Variants in ELAPOR2 observed in about 807,000 individuals in gnomAD.
ELAPOR2 encodes endosome-lysosome associated apoptosis and autophagy regulator family member 2.
In ELAPOR2, 89 loss-of-function variants were observed where a neutral mutation model predicts 120.7. The ratio of observed to expected loss-of-function variants is 0.74; its 90% CI spans 0.62 to 0.88. The LOEUF (loss-of-function observed/expected upper bound fraction) is 0.88. Among genes scored for constraint, ELAPOR2 ranks in the 40% least tolerant of loss-of-function variants. ELAPOR2 has a pLI of 0.00. For synonymous variants in ELAPOR2, 444 were observed against 444.9 expected (o/e 1.00, Z 0.03); for missense variants, 1,134 against 1,251.6 (o/e 0.91, Z 1.42).
chr7:86,964,698 T>C (rs1181952669), intron 2 of ELAPOR2, among the ~76,000 whole-genome samples: 3 of 152,184 alleles, frequency 2.0e-5, no homozygotes, highest in African/African-American at 7.2e-5. Context: ...AATAATAACA[T>C]TCTTTAATAT....
chr7:86,905,070 A>AGAAGGAAGGAAG (rs201126011), intron 18 of ELAPOR2, among the ~76,000 whole-genome samples: 5,990 of 98,040 alleles, frequency 0.061, 333 homozygotes, highest in East Asian at 0.23. Flanking sequence ...ACAGAGAGAG[A>AGAAGGAAGGAAG]GAAGGAAGGA....
chr7:87,046,130 C>A (rs1424486849), intron 1 of ELAPOR2, among the ~76,000 whole-genome samples: 1 of 152,032 alleles, frequency 6.6e-6, no homozygotes, highest in South Asian at 2.1e-4. Flanking sequence ...AATCAACATA[C>A]AAAAATCAGT....
intron 2 of ELAPOR2, among the ~76,000 whole-genome samples, chr7:86,959,789 T>C (rs966178498): frequency 1.3e-5 from 2 of 152,214 alleles, no homozygotes; most frequent in African/African-American, 4.8e-5. Flanking sequence ...AGTTTATTAT[T>C]TTGCTAGTTC....
At chr7:87,025,246 A>ATATTT (rs1463659270) in intron 1 of ELAPOR2, among the ~76,000 whole-genome samples, 9 of 152,108 alleles carry the variant, frequency 5.9e-5, no homozygotes, top group Non-Finnish European at 1.2e-4. Flanking sequence ...TTTTCAGACA[A>ATATTT]TGCTTATTTT....
At chr7:87,020,252 G>T (rs905889473) in intron 1 of ELAPOR2, among the ~76,000 whole-genome samples, 1 of 151,970 alleles carries the variant, frequency 6.6e-6, no homozygotes, top group Non-Finnish European at 1.5e-5. Context: ...TTGTAATTCT[G>T]TATTTTCTAA....
intron 1 of ELAPOR2, among the ~76,000 whole-genome samples, chr7:87,034,962 A>C (rs1794537780): frequency 6.6e-6 from 1 of 151,966 alleles, no homozygotes; most frequent in African/African-American, 2.4e-5. Flanking sequence ...TGTGCCTGTA[A>C]TCCCAGCTAC....
intron 8 of ELAPOR2, 100 bp downstream of exon 8, chr7:86,938,026 C>T (rs559067052): frequency 1.8e-5 from 15 of 854,740 alleles, no homozygotes; most frequent in South Asian, 4.7e-5. Flanking sequence ...CACTTACATA[C>T]GTGTGTCATA....
At position 86,957,943 on chromosome 7, in the gene ELAPOR2, T is replaced by C. The variant is rs189733232; in HGVS notation, c.310+6961A>G. ...AAAGAGAACATTAATCAATTAAAAATGACCCACAAAACAACATATCTGAGC... is the reference window on the plus strand; with the variant it reads ...AAAGAGAACATTAATCAATTAAAAACGACCCACAAAACAACATATCTGAGC... On this transcript the variant is annotated intron_variant, in intron 2 of 21. Transcript: ENST00000450689. Among the ~76,000 whole-genome samples the C allele has an allele frequency of 2.8e-3, 431 of 152,314 alleles. 1 individual carries two copies. Among genetic ancestry groups the C allele is most frequent in the African/African-American group, 9.4e-3 (390 of 41,562 alleles).
Position 86,898,959 on chromosome 7 carries a change from T to A in ELAPOR2, c.2559-1327A>T, listed in dbSNP as rs1053362922. On this transcript the variant is annotated intron_variant, in intron 18 of 21. Transcript: ENST00000450689. ...TCTGAAGTGAAAAACAAACCAACCATCAGGTCAACATGCAATGAAGTGATG... is the reference window on the plus strand; with the variant it reads ...TCTGAAGTGAAAAACAAACCAACCAACAGGTCAACATGCAATGAAGTGATG... 2.6e-5 allele frequency among the ~76,000 whole-genome samples: 4 copies of A among 152,198 alleles called. 1 individual carries two copies. The South Asian group carries it at 8.3e-4, about 32-fold the overall frequency.
chr7:86,936,641 A>G (rs373556839), intron 8 of ELAPOR2, among the ~76,000 whole-genome samples: 6 of 152,150 alleles, frequency 3.9e-5, no homozygotes, highest in African/African-American at 1.4e-4. Flanking sequence ...ACAACAGAAA[A>G]ACATAATTTG....
At chr7:86,994,035 T>A (rs1290794926) in intron 1 of ELAPOR2, among the ~76,000 whole-genome samples, 1 of 152,226 alleles carries the variant, frequency 6.6e-6, no homozygotes, top group African/African-American at 2.4e-5. Flanking sequence ...TTTCCTTTCT[T>A]ATTGCAAAAC....
rs2115705007 is a variant in ELAPOR2 at position 86,880,534 on chromosome 7, A to C, written c.3031-4T>G. 6.3e-7 allele frequency: 1 copy of C among 1,577,730 alleles called. No individual in the cohort carries two copies. The highest frequency in any genetic ancestry group is 1.3e-5 in the African/African-American group (1 of 74,076). On this transcript the variant is annotated splice_region_variant and splice_polypyrimidine_tract_variant and intron_variant, in intron 21 of 21. Transcript: ENST00000450689. ...ATTCAAAATGGTCTTCTTTTTCCTA[A>C]GAAAAAATATTAAAGACAAAATCAA...
At chr7:87,015,224 A>G (rs953477534) in intron 1 of ELAPOR2, among the ~76,000 whole-genome samples, 1 of 152,200 alleles carries the variant, frequency 6.6e-6, no homozygotes, top group African/African-American at 2.4e-5. Context: ...TATCAAAACA[A>G]TCTTTATCAA....
At chr7:86,989,864 C>G (rs1334848775) in intron 1 of ELAPOR2, among the ~76,000 whole-genome samples, 1 of 151,596 alleles carries the variant, frequency 6.6e-6, no homozygotes, top group Non-Finnish European at 1.5e-5. Context: ...AAGTTATTAG[C>G]CTCTCTATTC....
intron 8 of ELAPOR2, among the ~76,000 whole-genome samples, chr7:86,932,052 C>G (rs927531216): frequency 1.3e-5 from 2 of 151,866 alleles, no homozygotes; most frequent in Non-Finnish European, 2.9e-5. Flanking sequence ...GTATCCAACA[C>G]TCCTGGAGAG....
At chr7:86,885,258 C>A (rs989953077) in intron 21 of ELAPOR2, among the ~76,000 whole-genome samples, 1 of 152,092 alleles carries the variant, frequency 6.6e-6, no homozygotes, top group African/African-American at 2.4e-5. Context: ...GACATAAAAC[C>A]TGCAGCCTCA....
intron 1 of ELAPOR2, among the ~76,000 whole-genome samples, chr7:87,015,339 G>A (rs966445880): frequency 3.9e-5 from 6 of 152,088 alleles, no homozygotes; most frequent in African/African-American, 1.4e-4. Context: ...ATAAGTTATT[G>A]GCTTTAGACA....
chr7:86,950,505 G>T (rs1455586222), intron 2 of ELAPOR2, among the ~76,000 whole-genome samples: 1 of 152,068 alleles, frequency 6.6e-6, no homozygotes, highest in Non-Finnish European at 1.5e-5. Context: ...CCAAGCTTCT[G>T]GGTGCCACCA....
Position 87,021,189 on chromosome 7 carries a change from T to C in ELAPOR2, c.189+38136A>G, listed in dbSNP as rs769976152. Among the ~76,000 whole-genome samples the C allele has an allele frequency of 3.3e-5, 5 of 152,228 alleles. No homozygotes were observed. In the South Asian group the frequency reaches 1.0e-3, roughly 32 times the overall value. Reference sequence around the variant, plus strand: ...TCAACCCTCTCAACTGCTTTAACTGTTATGTTTTACTTCCTCTCAAAGAAT... The same window carrying C: ...TCAACCCTCTCAACTGCTTTAACTGCTATGTTTTACTTCCTCTCAAAGAAT... On this transcript the variant is annotated intron_variant, in intron 1 of 21. Transcript: ENST00000450689.
Sources: gnomAD v4.1 joint callset for allele counts (sites outside exome capture counted in the v4.1 genomes callset) on GRCh38, gnomAD v4.1.1 for gene constraint, MANE v1.5 for transcripts, NCBI Gene and HGNC (gene_info 2026-07-23, HGNC 2026-07-21) for gene names.